Variants in CNOT4 observed in about 807,000 individuals in gnomAD.
CNOT4 encodes CCR4-NOT transcription complex subunit 4.
A neutral mutation model predicts 73.8 loss-of-function variants in CNOT4; 8 were observed. The observed-to-expected ratio is 0.11, with a 90% CI of 0.06 to 0.20. The LOEUF is 0.20. Ranked by LOEUF, CNOT4 falls within the 10% of genes least tolerant of loss-of-function variation. CNOT4 has a pLI of 1.00. For missense variants in CNOT4, 564 were observed against 883.4 expected, an observed-to-expected ratio of 0.64 and a Z score of 4.58; for synonymous variants, 293 against 321.1, an observed-to-expected ratio of 0.91 and a Z score of 0.94.
chr7:135,375,354 T>C (rs1254901485), intron 10 of CNOT4, among the ~76,000 whole-genome samples: 1 of 152,194 alleles, frequency 6.6e-6, no homozygotes, highest in Non-Finnish European at 1.5e-5. Context: ...TTTAACAAAA[T>C]GCACCTAAGA....
intron 3 of CNOT4, among the ~76,000 whole-genome samples, chr7:135,416,611 A>G (rs1797886903): frequency 6.6e-6 from 1 of 152,310 alleles, no homozygotes; most frequent in South Asian, 2.1e-4. Flanking sequence ...ACTGCATTCA[A>G]TATTCCAGCT....
At chr7:135,421,003 A>G (rs1158703913) in intron 3 of CNOT4, among the ~76,000 whole-genome samples, 1 of 152,190 alleles carries the variant, frequency 6.6e-6, no homozygotes, top group African/African-American at 2.4e-5. Context: ...AACGACTGCC[A>G]GCATCCCTGG....
intron 10 of CNOT4, among the ~76,000 whole-genome samples, chr7:135,374,002 G>A (rs1346197449): frequency 6.6e-6 from 1 of 152,148 alleles, no homozygotes; most frequent in South Asian, 2.1e-4. Context: ...ATTTTTCATG[G>A]GAAATAATGC....
chr7:135,432,389 CTAGAGT>C (rs930298448), intron 2 of CNOT4, among the ~76,000 whole-genome samples: 15 of 152,288 alleles, frequency 9.8e-5, no homozygotes, highest in South Asian at 2.1e-4. Context: ...TTTGTTTCCC[CTAGAGT>C]TAATCTGTTT....
At chr7:135,439,301 A>G (rs1159127152) in intron 1 of CNOT4, among the ~76,000 whole-genome samples, 5 of 152,196 alleles carry the variant, frequency 3.3e-5, no homozygotes, top group African/African-American at 1.2e-4. Flanking sequence ...AATTGGACAA[A>G]CTGATCCTAA....
intron 1 of CNOT4, among the ~76,000 whole-genome samples, chr7:135,484,349 A>G (rs1260714688): frequency 6.6e-6 from 1 of 152,192 alleles, no homozygotes; most frequent in Non-Finnish European, 1.5e-5. Context: ...ACAGACTAGA[A>G]CAGAAGAAAA....
At chr7:135,376,273 A>G (rs1387835660) in intron 10 of CNOT4, among the ~76,000 whole-genome samples, 1 of 152,156 alleles carries the variant, frequency 6.6e-6, no homozygotes, top group Non-Finnish European at 1.5e-5. Flanking sequence ...CATTTATTGC[A>G]TGTCTACTCT....
At chr7:135,467,697 C>A (rs981213104) in intron 1 of CNOT4, among the ~76,000 whole-genome samples, 1 of 151,928 alleles carries the variant, frequency 6.6e-6, no homozygotes, top group African/African-American at 2.4e-5. Context: ...GATGACAGAG[C>A]AAGACCCTGT....
Position 135,409,497 on chromosome 7 carries a change from A to G in CNOT4, c.821+1018T>C, listed in dbSNP as rs1030037409. 7.2e-5 allele frequency among the ~76,000 whole-genome samples: 11 copies of G among 152,272 alleles called. No individual in the cohort carries two copies. In the South Asian group the frequency reaches 8.3e-4, roughly 11 times the overall value. Reference sequence around the variant, plus strand: ...TTAAATAATCTTTACTCTTAAAATGAATAAACACAGACTTCAAAATTTAAA... The same window carrying G: ...TTAAATAATCTTTACTCTTAAAATGGATAAACACAGACTTCAAAATTTAAA... On this transcript the variant is annotated intron_variant, in intron 7 of 11. Transcript: ENST00000541284.
chr7:135,415,502 G>GATAAATAAGATAAATCT (rs1797820077), intron 3 of CNOT4, among the ~76,000 whole-genome samples: 3 of 151,940 alleles, frequency 2.0e-5, no homozygotes, highest in African/African-American at 7.2e-5. Context: ...ACTAAATTTG[G>GATAAATAAGATAAATCT]TATTATCTAC....
At chr7:135,401,399 A>G (rs1472756063) in intron 7 of CNOT4, among the ~76,000 whole-genome samples, 1 of 152,216 alleles carries the variant, frequency 6.6e-6, no homozygotes, top group Non-Finnish European at 1.5e-5. Flanking sequence ...CCAGGTCCCA[A>G]TGTTATCAGA....
intron 1 of CNOT4, among the ~76,000 whole-genome samples, chr7:135,441,325 T>A (rs1025094464): frequency 2.3e-4 from 35 of 152,044 alleles, no homozygotes; most frequent in African/African-American, 7.7e-4. Context: ...TTAAATTACT[T>A]CTCACTTTTG....
At chr7:135,417,225 C>T (rs984816665) in intron 3 of CNOT4, among the ~76,000 whole-genome samples, 3 of 152,110 alleles carry the variant, frequency 2.0e-5, no homozygotes, top group Admixed American at 2.0e-4. Context: ...AATGCAGATT[C>T]AGATCCAGCA....
At position 135,490,939 on chromosome 7, in the gene CNOT4, C is replaced by G. The variant is rs558758578; in HGVS notation, c.-93+18950G>C. 3.3e-4 allele frequency among the ~76,000 whole-genome samples: 51 copies of G among 152,294 alleles called. 1 individual carries two copies. The highest frequency in any genetic ancestry group is 1.1e-3 in the African/African-American group (47 of 41,568). ...GGAGACAGTGAAAACTGGTTGAATTCTGGATATGTTTTAAAGTTACAGCCA... is the reference window on the plus strand; with the variant it reads ...GGAGACAGTGAAAACTGGTTGAATTGTGGATATGTTTTAAAGTTACAGCCA... On this transcript the variant is annotated intron_variant, in intron 1 of 11. Coordinates refer to ENST00000541284, the MANE Select transcript of CNOT4 (RefSeq NM_001190850.2).
At chr7:135,374,064 T>A (rs1795380335) in intron 10 of CNOT4, among the ~76,000 whole-genome samples, 1 of 152,182 alleles carries the variant, frequency 6.6e-6, no homozygotes, top group South Asian at 2.1e-4. Context: ...ATACAGGAAG[T>A]TTAATTCTGA....
At chr7:135,366,028 C>A (rs1046715699) in intron 10 of CNOT4, among the ~76,000 whole-genome samples, 1 of 152,138 alleles carries the variant, frequency 6.6e-6, no homozygotes, top group African/African-American at 2.4e-5. Context: ...GGGAAAACTT[C>A]CTATAAGAAA....
intron 10 of CNOT4, among the ~76,000 whole-genome samples, chr7:135,371,241 A>G (rs1220358035): frequency 1.3e-5 from 2 of 152,214 alleles, no homozygotes; most frequent in African/African-American, 4.8e-5. Flanking sequence ...TCTGACTCCA[A>G]AGCATTTGTT....
intron 1 of CNOT4, among the ~76,000 whole-genome samples, chr7:135,498,250 A>C (rs1803723271): frequency 6.6e-6 from 1 of 152,238 alleles, no homozygotes; most frequent in Non-Finnish European, 1.5e-5. Context: ...ATAAAAAGTT[A>C]TGTATAATTA....
At chr7:135,497,205 C>T (rs1168679106) in intron 1 of CNOT4, among the ~76,000 whole-genome samples, 1 of 151,810 alleles carries the variant, frequency 6.6e-6, no homozygotes, top group East Asian at 2.0e-4. Flanking sequence ...GCCAGGAGCT[C>T]AAGACCAGCC....
Sources: allele counts gnomAD v4.1 joint callset (sites outside exome capture counted in the v4.1 genomes callset), GRCh38; gene constraint gnomAD v4.1.1; transcripts MANE v1.5; gene names NCBI Gene and HGNC (gene_info 2026-07-23, HGNC 2026-07-21).